CDIN1: variants seen among roughly 807,000 people sequenced by gnomAD.
The protein encoded by CDIN1 is CDAN1 interacting nuclease 1.
Under a neutral mutation model 45.3 loss-of-function variants are expected in CDIN1, and 33 were observed. The observed-to-expected ratio is 0.73, with a 90% CI of 0.55 to 0.97. The LOEUF (loss-of-function observed/expected upper bound fraction) is 0.97, where lower values mean the gene tolerates loss of function less well. Ranked by LOEUF, CDIN1 falls within the 50% of genes least tolerant of loss-of-function variation. CDIN1 has a pLI of 0.00. For missense variants in CDIN1, 303 were observed against 339.4 expected (o/e 0.89, Z 0.84); for synonymous variants, 118 against 124.4 (o/e 0.95, Z 0.34).
At chr15:36,759,952 CCAA>C (rs1473973558) in intron 10 of CDIN1, among the ~76,000 whole-genome samples, 3 of 152,154 alleles carry the variant, frequency 2.0e-5, no homozygotes, top group Admixed American at 6.5e-5. Flanking sequence ...GGCCCCACCT[CCAA>C]CAATTGAGAA....
At chr15:36,596,988 C>A (rs200164797) in intron 1 of CDIN1, among the ~76,000 whole-genome samples, 2 of 152,208 alleles carry the variant, frequency 1.3e-5, no homozygotes, top group East Asian at 3.9e-4. Context: ...TTAAATAATA[C>A]CTTTCCTTGT....
chr15:36,640,767 A>G, intron 1 of CDIN1: 1 of 446,404 alleles, frequency 2.2e-6, no homozygotes, highest in Non-Finnish European at 3.0e-6. Flanking sequence ...TCTGTGCTAC[A>G]CTCTCCCAAC....
chr15:36,590,477 A>C (rs1417710895), intron 1 of CDIN1, among the ~76,000 whole-genome samples: 1 of 152,172 alleles, frequency 6.6e-6, no homozygotes, highest in Non-Finnish European at 1.5e-5. Context: ...GAAATATGTA[A>C]GTACTTGGTC....
chr15:36,764,501 G>GA (rs532691781), intron 10 of CDIN1, among the ~76,000 whole-genome samples: 434 of 152,172 alleles, frequency 2.9e-3, no homozygotes, highest in Non-Finnish European at 5.2e-3. Context: ...GGGTTGTATG[G>GA]AAAAAAGAAT....
chr15:36,672,583 AGGT>A lies in CDIN1; in HGVS notation c.346+14681_346+14683del, dbSNP rs1171629211. ...ACATGCTGAACACCTGTGTGTATAAAGGTGGAGAATAACTAATTTGATCGATTT... is the reference window on the plus strand; with the variant it reads ...ACATGCTGAACACCTGTGTGTATAAAGGAGAATAACTAATTTGATCGATTT... On this transcript the variant is annotated intron_variant, in intron 5 of 10. Coordinates refer to ENST00000566621, the MANE Select transcript of CDIN1 (RefSeq NM_001321759.2). 3.3e-5 allele frequency among the ~76,000 whole-genome samples: 5 copies of A among 151,798 alleles called. No individual in the cohort carries two copies. The East Asian group carries it at 9.7e-4, about 29-fold the overall frequency.
At chr15:36,593,310 C>T (rs2037669751) in intron 1 of CDIN1, among the ~76,000 whole-genome samples, 1 of 152,102 alleles carries the variant, frequency 6.6e-6, no homozygotes, top group Non-Finnish European at 1.5e-5. Flanking sequence ...AGCTGTTTTA[C>T]TGTTTTGTCT....
chr15:36,801,325 GA>G (rs2055038496), intron 10 of CDIN1, among the ~76,000 whole-genome samples: 1 of 151,942 alleles, frequency 6.6e-6, no homozygotes, highest in African/African-American at 2.4e-5. Context: ...ATTACCAAAA[GA>G]GATGTAAAAG....
chr15:36,806,782 TAA>T (rs1214016885), intron 10 of CDIN1, among the ~76,000 whole-genome samples: 1 of 152,174 alleles, frequency 6.6e-6, no homozygotes, highest in Non-Finnish European at 1.5e-5. Flanking sequence ...TGTTTGTGAT[TAA>T]AAGTTACTAA....
chr15:36,707,708 C>T (rs1385731953), intron 8 of CDIN1: 5 of 152,106 alleles, frequency 3.3e-5, no homozygotes, highest in African/African-American at 9.7e-5. Context: ...TTTTCAATGT[C>T]ACCATTGCTT....
At chr15:36,736,680 C>G (rs976876084) in intron 10 of CDIN1, among the ~76,000 whole-genome samples, 23 of 152,152 alleles carry the variant, frequency 1.5e-4, no homozygotes, top group African/African-American at 5.1e-4. Flanking sequence ...CCATCCAGAT[C>G]TCTTTAAAAT....
At chr15:36,749,909 C>T (rs892817814) in intron 10 of CDIN1, among the ~76,000 whole-genome samples, 11 of 152,180 alleles carry the variant, frequency 7.2e-5, no homozygotes, top group African/African-American at 2.4e-4. Context: ...ACCAGGTCCC[C>T]CGACCTTTTG....
chr15:36,807,062 G>T (rs1417536794), intron 10 of CDIN1, among the ~76,000 whole-genome samples: 6 of 152,192 alleles, frequency 3.9e-5, no homozygotes, highest in Non-Finnish European at 8.8e-5. Flanking sequence ...TCATGGTTCT[G>T]TACCTGCACA....
intron 8 of CDIN1, chr15:36,708,975 C>T (rs2042961214): frequency 3.0e-6 from 1 of 333,486 alleles, no homozygotes; most frequent in Non-Finnish European, 5.4e-6. Context: ...TATATGACAG[C>T]TTGAACTCGT....
At chr15:36,785,456 G>A (rs545475091) in intron 10 of CDIN1, among the ~76,000 whole-genome samples, 4 of 103,482 alleles carry the variant, frequency 3.9e-5, no homozygotes, top group South Asian at 5.5e-4. Context: ...TTACTAACCC[G>A]GGAGTCGAGT....
chr15:36,624,478 T>C (rs1441983903), intron 1 of CDIN1, among the ~76,000 whole-genome samples: 3 of 152,230 alleles, frequency 2.0e-5, no homozygotes, highest in Non-Finnish European at 4.4e-5. Flanking sequence ...TTATAGTCCA[T>C]ATCATGATGA....
chr15:36,635,351 G>T (rs1287739747), intron 1 of CDIN1, among the ~76,000 whole-genome samples: 3 of 152,116 alleles, frequency 2.0e-5, no homozygotes, highest in Non-Finnish European at 1.5e-5. Context: ...AACAACATGG[G>T]TTTGAACTGT....
At chr15:36,714,977 T>G (rs962566746) in intron 10 of CDIN1, among the ~76,000 whole-genome samples, 1 of 152,136 alleles carries the variant, frequency 6.6e-6, no homozygotes, top group African/African-American at 2.4e-5. Context: ...GATTCAGATA[T>G]AACTAGACAG....
intron 3 of CDIN1, among the ~76,000 whole-genome samples, chr15:36,651,370 G>T (rs566839080): frequency 2.0e-5 from 3 of 152,184 alleles, no homozygotes; most frequent in Non-Finnish European, 4.4e-5. Flanking sequence ...AGATCATGAT[G>T]AGGATGCAGA....
chr15:36,732,417 A>G (rs1474601320), intron 10 of CDIN1, among the ~76,000 whole-genome samples: 5 of 152,140 alleles, frequency 3.3e-5, no homozygotes, highest in Non-Finnish European at 7.4e-5. Context: ...TTAGATAGTC[A>G]TTGAAAGTTG....
Sources: gnomAD v4.1 joint callset for allele counts (sites outside exome capture counted in the v4.1 genomes callset) on GRCh38, gnomAD v4.1.1 for gene constraint, MANE v1.5 for transcripts, NCBI Gene and HGNC (gene_info 2026-07-23, HGNC 2026-07-21) for gene names.